Variants in TP63 observed in about 807,000 individuals in gnomAD.
TP63 encodes the protein tumor protein p63, also known as tumor protein 63.
In TP63, 17 loss-of-function variants were observed where a neutral mutation model predicts 82.8. The observed-to-expected ratio is 0.21, with a 90% CI of 0.14 to 0.31. The LOEUF is 0.31. TP63 is among the 10% of genes least tolerant of loss of function. TP63 has a pLI of 1.00. For synonymous variants in TP63, 330 were observed against 321.7 expected (o/e 1.03, Z -0.28); for missense variants, 648 against 895.3 (o/e 0.72, Z 3.52).
chr3:189,705,778 G>C (rs933838841), intron 1 of TP63, among the ~76,000 whole-genome samples: 7 of 152,122 alleles, frequency 4.6e-5, no homozygotes, highest in Admixed American at 2.0e-4. Context: ...AAGATTTTTT[G>C]TATGTCAAAA....
At chr3:189,858,715 G>A (rs114997144) in intron 4 of TP63, among the ~76,000 whole-genome samples, 2,775 of 152,240 alleles carry the variant, frequency 0.018, 80 homozygotes, top group African/African-American at 0.063. Context: ...GGAGGTCGAG[G>A]ATGCAGTGAG....
At chr3:189,814,123 G>C (rs1012282464) in intron 4 of TP63, among the ~76,000 whole-genome samples, 3 of 152,194 alleles carry the variant, frequency 2.0e-5, no homozygotes, top group Non-Finnish European at 4.4e-5. Flanking sequence ...TGAGATGCGC[G>C]CCTGCGGCCC....
intron 1 of TP63, among the ~76,000 whole-genome samples, chr3:189,663,342 T>G (rs1236025667): frequency 6.6e-6 from 1 of 152,004 alleles, no homozygotes; most frequent in African/African-American, 2.4e-5. Context: ...TGAAAGAAAT[T>G]AAGACCCAGA....
In TP63 at chr3:189,738,773, G is replaced by A; in HGVS notation, c.323G>A (p.Trp108Ter). ...MQDSDLSDPMWPQYTNLGLLN... is the reference protein window; with the variant it reads ...MQDSDLSDPM The stretch of plus-strand genomic sequence containing the variant: ...GACTCGGACCTGAGTGACCCCATGT[G>A]GGTGAGTGGCACAGGCTTTCTCTTC... The change falls in exon 3 of 14, where the codon TGG becomes TAG. Residue 108 changes from tryptophan (W) to a stop codon, truncating the protein, a stop_gained and splice_region_variant. Coordinates refer to ENST00000264731, the MANE Select transcript of TP63 (RefSeq NM_003722.5). LOFTEE classifies it high-confidence loss of function. 1 of 1,614,000 alleles carries A rather than the reference G, an allele frequency of 6.2e-7. No homozygotes were observed. The highest frequency in any genetic ancestry group is 8.5e-7 in the Non-Finnish European group (1 of 1,179,970).
intron 1 of TP63, among the ~76,000 whole-genome samples, chr3:189,721,863 T>C (rs1418970702): frequency 3.3e-5 from 5 of 152,210 alleles, no homozygotes; most frequent in African/African-American, 1.2e-4. Flanking sequence ...TCTGGGAAAT[T>C]CTGATTTAAT....
chr3:189,701,442 A>T (rs1477041869), intron 1 of TP63, among the ~76,000 whole-genome samples: 2 of 151,410 alleles, frequency 1.3e-5, no homozygotes, highest in Non-Finnish European at 2.9e-5. Flanking sequence ...GTCCAACTGA[A>T]TATGAGAAGC....
the TP63 span, among the ~76,000 whole-genome samples, chr3:189,600,822 T>A: frequency 5.1e-4 from 77 of 152,346 alleles, no homozygotes; most frequent in Non-Finnish European, 7.5e-4. Flanking sequence ...TATACTCAAT[T>A]TTCCTATTAG....
chr3:189,843,150 G>A (rs1177455839), intron 4 of TP63, among the ~76,000 whole-genome samples: 2 of 152,178 alleles, frequency 1.3e-5, no homozygotes, highest in Non-Finnish European at 2.9e-5. Flanking sequence ...CTGCCTCTGG[G>A]GCCAGTGCCC....
At chr3:189,617,670 A>G in the TP63 span, among the ~76,000 whole-genome samples, 2 of 152,212 alleles carry the variant, frequency 1.3e-5, no homozygotes, top group African/African-American at 4.8e-5. Context: ...CCATCTTCCT[A>G]GAATGTAATA....
chr3:189,825,905 T>C (rs904985888), intron 4 of TP63, among the ~76,000 whole-genome samples: 3 of 152,138 alleles, frequency 2.0e-5, no homozygotes, highest in Non-Finnish European at 2.9e-5. Flanking sequence ...ACAAGAAAGA[T>C]TGCTCTTCCC....
intron 1 of TP63, among the ~76,000 whole-genome samples, chr3:189,722,351 A>T (rs2108771122): frequency 6.6e-6 from 1 of 152,364 alleles, no homozygotes; most frequent in South Asian, 2.1e-4. Context: ...CCTTAGAAGG[A>T]TAAGCGCGTC....
At chr3:189,736,161 CTA>C (rs1382906998) in intron 1 of TP63, among the ~76,000 whole-genome samples, 2 of 147,344 alleles carry the variant, frequency 1.4e-5, no homozygotes, top group South Asian at 2.1e-4. Flanking sequence ...ATAAATATAT[CTA>C]TATTATTTAA....
chr3:189,890,765 T>TCCTCTTCCCTCCTC, intron 12 of TP63, 24 bp from the exon 13 acceptor site: 2 of 1,608,440 alleles, frequency 1.2e-6, no homozygotes, highest in African/African-American at 2.7e-5. Context: ...GTTTCCTCCT[T>TCCTCTTCCCTCCTC]CCTCTTCCCT....
At chr3:189,759,399 A>G (rs1000428424) in intron 3 of TP63, among the ~76,000 whole-genome samples, 21 of 152,182 alleles carry the variant, frequency 1.4e-4, no homozygotes, top group Non-Finnish European at 2.9e-4. Flanking sequence ...CTGTCAAGGA[A>G]GAGGAAAACT....
chr3:189,645,304 C>A, intron 1 of TP63: 1 of 487,730 alleles, frequency 2.1e-6, no homozygotes, highest in South Asian at 3.1e-5. Flanking sequence ...TTGAACTGCC[C>A]TTCTTTGGTT....
chr3:189,682,970 A>G (rs1716111916), intron 1 of TP63, among the ~76,000 whole-genome samples: 1 of 152,172 alleles, frequency 6.6e-6, no homozygotes, highest in Admixed American at 6.5e-5. Flanking sequence ...TAGGGACTTC[A>G]TTTAATATGC....
At chr3:189,893,003 T>C (rs1395195885) in intron 13 of TP63, among the ~76,000 whole-genome samples, 1 of 152,144 alleles carries the variant, frequency 6.6e-6, no homozygotes, top group African/African-American at 2.4e-5. Context: ...TCCTGCGTAT[T>C]TCTAGAAAGA....
chr3:189,833,637 A>T (rs780094311), intron 4 of TP63, among the ~76,000 whole-genome samples: 47 of 151,952 alleles, frequency 3.1e-4, no homozygotes, highest in Admixed American at 1.2e-3. Flanking sequence ...GATCACACTG[A>T]AAGAGGAATC....
At chr3:189,869,479 C>A in intron 9 of TP63, 73 bp downstream of exon 9, 1 of 1,349,414 alleles carries the variant, frequency 7.4e-7, no homozygotes, top group Non-Finnish European at 1.1e-6. Context: ...GTATGATCAT[C>A]ATCTCATTAT....
Sources: allele counts gnomAD v4.1 joint callset (sites outside exome capture counted in the v4.1 genomes callset), GRCh38; gene constraint gnomAD v4.1.1; transcripts MANE v1.5; gene names NCBI Gene and HGNC (gene_info 2026-07-23, HGNC 2026-07-21).